CCDC171: variants seen among roughly 807,000 people sequenced by gnomAD.
CCDC171 encodes the protein coiled-coil domain containing 171.
Under a neutral mutation model 168.2 loss-of-function variants are expected in CCDC171, and 177 were observed. That is an observed-to-expected ratio of 1.05 (90% confidence interval 0.93 to 1.19). The LOEUF (loss-of-function observed/expected upper bound fraction) is 1.19, where lower values mean the gene tolerates loss of function less well. CCDC171 is among the 50% of genes most tolerant of loss of function. The pLI, the probability that CCDC171 is intolerant of heterozygous loss-of-function variation, is 0.00. For synonymous variants in CCDC171, 687 were observed against 540.8 expected (o/e 1.27, Z -3.75); for missense variants, 1,991 against 1,539.0 (o/e 1.29, Z -4.91).
chr9:15,587,518 T>C (rs1020457574), intron 4 of CCDC171: 1 of 383,784 alleles, frequency 2.6e-6, no homozygotes, highest in African/African-American at 2.1e-5. Flanking sequence ...CTCTTTCTTT[T>C]GTAAATTGCC....
chr9:15,839,680 G>C (rs1333120624), intron 21 of CCDC171, among the ~76,000 whole-genome samples: 1 of 152,120 alleles, frequency 6.6e-6, no homozygotes. Flanking sequence ...AACAACAGCA[G>C]TTATAATGGC....
At chr9:16,052,442 ATGT>A (rs1313905705) in intron 1 of CCDC171, among the ~76,000 whole-genome samples, 2 of 152,156 alleles carry the variant, frequency 1.3e-5, no homozygotes, top group African/African-American at 2.4e-5. Context: ...TGGGTTACAC[ATGT>A]GCGGCCTCCT....
intron 6 of CCDC171, among the ~76,000 whole-genome samples, chr9:15,620,599 G>C (rs1182311486): frequency 1.3e-5 from 2 of 152,192 alleles, no homozygotes; most frequent in Non-Finnish European, 2.9e-5. Flanking sequence ...ACTCCTCCTG[G>C]TGGAGATGCT....
At chr9:15,750,626 G>T (rs1439026354) in intron 18 of CCDC171, among the ~76,000 whole-genome samples, 3 of 152,018 alleles carry the variant, frequency 2.0e-5, no homozygotes, top group Non-Finnish European at 4.4e-5. Flanking sequence ...GGTTCAACAT[G>T]TGCAAATTAA....
intron 23 of CCDC171, among the ~76,000 whole-genome samples, chr9:15,860,712 C>T (rs1081247): frequency 4.6e-5 from 7 of 151,874 alleles, no homozygotes; most frequent in Non-Finnish European, 7.4e-5. Flanking sequence ...CACTTGAGAA[C>T]AATGCGTGTT....
chr9:15,849,997 T>G (rs77796575), intron 23 of CCDC171, among the ~76,000 whole-genome samples: 3,649 of 152,006 alleles, frequency 0.024, 159 homozygotes, highest in African/African-American at 0.083. Context: ...TTGAAATTAT[T>G]ATTTCTCCCC....
In CCDC171 at chr9:15,779,207, T is replaced by C. The variant is rs904806906; in HGVS notation, c.3081+57T>C. 4.2e-5 allele frequency: 42 copies of C among 1,009,434 alleles called. No individual in the cohort carries two copies. The African/African-American group carries it at 6.5e-4, about 16-fold the overall frequency. 62.5% of individuals were successfully genotyped at this position (1,009,434 alleles called of 1,614,324 possible). A position where few individuals can be genotyped will look rare whatever the true frequency, so the allele number is the denominator to read the frequency against. ...TTGCTGATATATATTTCTTTATCTC[T>C]ATATCCTTTTTTCCTTAACTTTTGT... On this transcript the variant is annotated intron_variant, in intron 20 of 25. Transcript: ENST00000380701.
At chr9:15,792,244 G>T (rs2058307745) in intron 21 of CCDC171, among the ~76,000 whole-genome samples, 1 of 152,202 alleles carries the variant, frequency 6.6e-6, no homozygotes, top group South Asian at 2.1e-4. Context: ...TCAAATGAAT[G>T]AAATGAAGTG....
chr9:15,807,257 A>G (rs1588620161), intron 21 of CCDC171, among the ~76,000 whole-genome samples: 1 of 152,276 alleles, frequency 6.6e-6, no homozygotes, highest in African/African-American at 2.4e-5. Flanking sequence ...TTGTTGTAGA[A>G]CTAGTGTAGT....
At chr9:15,951,603 T>G (rs1186203063) in intron 25 of CCDC171, among the ~76,000 whole-genome samples, 2 of 152,164 alleles carry the variant, frequency 1.3e-5, no homozygotes, top group African/African-American at 4.8e-5. Context: ...TAGGTTTGAT[T>G]TGCATTTCCC....
At chr9:15,990,453 A>G (rs978068988) in intron 3 of CCDC171, among the ~76,000 whole-genome samples, 2 of 152,224 alleles carry the variant, frequency 1.3e-5, no homozygotes, top group African/African-American at 4.8e-5. Flanking sequence ...AACAACCAGT[A>G]CCAGCCACTG....
chr9:15,647,817 T>A (rs1287491336), intron 7 of CCDC171, among the ~76,000 whole-genome samples: 3 of 151,964 alleles, frequency 2.0e-5, no homozygotes, highest in Non-Finnish European at 2.9e-5. Context: ...CTGCCAGAGG[T>A]ACAAGGAGGA....
intron 15 of CCDC171, among the ~76,000 whole-genome samples, chr9:15,729,136 C>T (rs927852393): frequency 1.3e-5 from 2 of 152,064 alleles, no homozygotes; most frequent in African/African-American, 4.8e-5. Context: ...TTCAAAACAT[C>T]CTTAATAGTC....
intron 1 of CCDC171, among the ~76,000 whole-genome samples, chr9:15,557,073 G>C (rs1240216032): frequency 6.6e-6 from 1 of 152,068 alleles, no homozygotes; most frequent in Non-Finnish European, 1.5e-5. Context: ...TTATTTCTGA[G>C]GGCTCTATTC....
At chr9:15,880,664 C>T (rs1210985916) in intron 24 of CCDC171, among the ~76,000 whole-genome samples, 2 of 140,790 alleles carry the variant, frequency 1.4e-5, no homozygotes, top group Non-Finnish European at 3.0e-5. Context: ...TTAGCAGAGA[C>T]GAGGTTTCAC....
chr9:15,567,228 G>T (rs2039818549), intron 2 of CCDC171, among the ~76,000 whole-genome samples: 1 of 151,920 alleles, frequency 6.6e-6, no homozygotes, highest in Non-Finnish European at 1.5e-5. Context: ...CACAATCTTG[G>T]GCAGGCTGGT....
At chr9:16,104,790 T>C in the CCDC171 span, among the ~76,000 whole-genome samples, 1 of 152,154 alleles carries the variant, frequency 6.6e-6, no homozygotes, top group African/African-American at 2.4e-5. Flanking sequence ...TGCCAGGCAT[T>C]GGGCTAGGCA....
At chr9:15,632,926 AT>A (rs1268386139) in intron 7 of CCDC171, among the ~76,000 whole-genome samples, 2 of 152,208 alleles carry the variant, frequency 1.3e-5, no homozygotes, top group Admixed American at 6.5e-5. Flanking sequence ...CGCGGAAAGG[AT>A]TCCCTGTTTA....
chr9:15,653,357 G>T (rs1368916572), intron 7 of CCDC171, among the ~76,000 whole-genome samples: 3 of 152,082 alleles, frequency 2.0e-5, no homozygotes, highest in African/African-American at 7.2e-5. Context: ...GCCCAGGCTG[G>T]CCTTGGACTC....
Sources: allele counts gnomAD v4.1 joint callset (sites outside exome capture counted in the v4.1 genomes callset), GRCh38; gene constraint gnomAD v4.1.1; transcripts MANE v1.5; gene names NCBI Gene and HGNC (gene_info 2026-07-23, HGNC 2026-07-21).